Variants in ZHX2 observed in about 807,000 individuals in gnomAD.
ZHX2 encodes the protein zinc fingers and homeoboxes protein 2.
Under a neutral mutation model 21.9 loss-of-function variants are expected in ZHX2, and 6 were observed. The ratio of observed to expected loss-of-function variants is 0.27; its 90% CI spans 0.15 to 0.54. ZHX2 has a LOEUF of 0.54. ZHX2 is among the 20% of genes least tolerant of loss of function. ZHX2 has a pLI of 0.95. For missense variants in ZHX2, 908 were observed against 1,090.7 expected (o/e 0.83, Z 2.36); for synonymous variants, 434 against 437.1 (o/e 0.99, Z 0.09).
chr8:122,893,010 G>T (rs1207524531), intron 2 of ZHX2, among the ~76,000 whole-genome samples: 1 of 152,200 alleles, frequency 6.6e-6, no homozygotes, highest in Non-Finnish European at 1.5e-5. Flanking sequence ...GGCCAGTCTA[G>T]TGATGATGAT....
chr8:122,964,311 G>A (rs182543278), intron 3 of ZHX2, among the ~76,000 whole-genome samples: 3 of 152,152 alleles, frequency 2.0e-5, no homozygotes, highest in Admixed American at 2.0e-4. Flanking sequence ...ACCTCAAGGT[G>A]TGTCCCTTCT....
At chr8:122,928,465 T>C (rs1342399479) in intron 2 of ZHX2, among the ~76,000 whole-genome samples, 1 of 151,990 alleles carries the variant, frequency 6.6e-6, no homozygotes, top group Non-Finnish European at 1.5e-5. Flanking sequence ...TACCTTGGAA[T>C]TATGTCTTGG....
chr8:122,847,091 G>A (rs770065996), intron 1 of ZHX2, among the ~76,000 whole-genome samples: 9 of 152,148 alleles, frequency 5.9e-5, no homozygotes, highest in Non-Finnish European at 1.2e-4. Context: ...ATGTCCCCAC[G>A]CTCAGTAGTG....
chr8:122,831,885 G>A (rs1386056458), intron 1 of ZHX2, among the ~76,000 whole-genome samples: 2 of 152,308 alleles, frequency 1.3e-5, no homozygotes, highest in African/African-American at 2.4e-5. Flanking sequence ...GTGAGAGCTC[G>A]AGTGAGGGCG....
intron 1 of ZHX2, among the ~76,000 whole-genome samples, chr8:122,853,307 C>G (rs1401616667): frequency 2.0e-5 from 3 of 152,196 alleles, no homozygotes; most frequent in African/African-American, 7.2e-5. Flanking sequence ...ATCCCCACAA[C>G]TCTCCTTTGA....
intron 1 of ZHX2, among the ~76,000 whole-genome samples, chr8:122,840,899 G>C (rs1818608923): frequency 6.6e-6 from 1 of 152,146 alleles, no homozygotes; most frequent in Admixed American, 6.5e-5. Flanking sequence ...GGGCAGAGTG[G>C]GAGGAAAAGC....
At chr8:122,833,000 G>A (rs528246475) in intron 1 of ZHX2, among the ~76,000 whole-genome samples, 14 of 152,296 alleles carry the variant, frequency 9.2e-5, no homozygotes, top group African/African-American at 2.9e-4. Context: ...GGGCCTGTAC[G>A]AAGAGGTGGG....
intron 1 of ZHX2, among the ~76,000 whole-genome samples, chr8:122,853,117 G>GT (rs897337973): frequency 1.3e-5 from 2 of 152,060 alleles, no homozygotes; most frequent in East Asian, 1.9e-4. Context: ...CTATCCCAGG[G>GT]TTTTTTTGTA....
chr8:122,875,151 A>ACTTTGCCTTCCT (rs1819537997), intron 2 of ZHX2, among the ~76,000 whole-genome samples: 1 of 7,330 alleles, frequency 1.4e-4, no homozygotes, highest in Non-Finnish European at 2.8e-4. Context: ...ATATATATAT[A>ACTTTGCCTTCCT]TATATATATA....
intron 2 of ZHX2, among the ~76,000 whole-genome samples, chr8:122,864,982 C>T (rs924023759): frequency 6.6e-6 from 1 of 152,126 alleles, no homozygotes; most frequent in Non-Finnish European, 1.5e-5. Context: ...AGGCCAGAGA[C>T]GGTGTTTTTC....
At chr8:122,934,996 T>C (rs1289273162) in intron 2 of ZHX2, among the ~76,000 whole-genome samples, 1 of 152,210 alleles carries the variant, frequency 6.6e-6, no homozygotes, top group Non-Finnish European at 1.5e-5. Flanking sequence ...CTCAAAGTTC[T>C]TTTTATAAGC....
chr8:122,858,625 TTTTTC>T (rs1264171693), intron 1 of ZHX2, among the ~76,000 whole-genome samples: 1 of 143,470 alleles, frequency 7.0e-6, no homozygotes, highest in Non-Finnish European at 1.5e-5. Context: ...AACTCCTTTT[TTTTTC>T]TTTCTTTCTT....
chr8:122,955,838 G>A (rs1813284402), intron 3 of ZHX2, among the ~76,000 whole-genome samples: 1 of 125,630 alleles, frequency 8.0e-6, no homozygotes, highest in Non-Finnish European at 1.6e-5. Context: ...ATGAGGGAGT[G>A]ATTTTTTTTT....
intron 3 of ZHX2, among the ~76,000 whole-genome samples, chr8:122,957,129 A>G (rs926198075): frequency 7.9e-5 from 12 of 152,016 alleles, no homozygotes; most frequent in African/African-American, 2.9e-4. Context: ...ATAAACCCAG[A>G]AACAGACTCA....
At chr8:122,865,131 CTT>C (rs1180936073) in intron 2 of ZHX2, among the ~76,000 whole-genome samples, 28 of 141,638 alleles carry the variant, frequency 2.0e-4, no homozygotes, top group East Asian at 4.1e-4. Context: ...CTTGGCAAGT[CTT>C]TTTTTTTTTT....
chr8:122,836,019 C>T (rs1818487436), intron 1 of ZHX2, among the ~76,000 whole-genome samples: 1 of 152,002 alleles, frequency 6.6e-6, no homozygotes. Context: ...GAGTGGAAGA[C>T]TGGGAATTTC....
intron 1 of ZHX2, among the ~76,000 whole-genome samples, chr8:122,849,330 A>G (rs1158768918): frequency 6.6e-6 from 1 of 152,162 alleles, no homozygotes; most frequent in Non-Finnish European, 1.5e-5. Context: ...GGCTTTGGGC[A>G]AGTTGCTTAC....
chr8:122,825,746 G>A (rs1489358993), intron 1 of ZHX2, among the ~76,000 whole-genome samples: 1 of 152,184 alleles, frequency 6.6e-6, no homozygotes, highest in East Asian at 1.9e-4. Context: ...GAGACTCCTG[G>A]TCTGTAATTT....
At chr8:122,950,253 A>G (rs1342769227) in intron 2 of ZHX2, among the ~76,000 whole-genome samples, 7 of 152,248 alleles carry the variant, frequency 4.6e-5, no homozygotes. Flanking sequence ...AAAAAAAAGA[A>G]TGAGTTTATG....
Sources: gnomAD v4.1 joint callset for allele counts (sites outside exome capture counted in the v4.1 genomes callset) on GRCh38, gnomAD v4.1.1 for gene constraint, MANE v1.5 for transcripts, NCBI Gene and HGNC (gene_info 2026-07-23, HGNC 2026-07-21) for gene names.